Variants in WDR72 observed in about 807,000 individuals in gnomAD.
WDR72 encodes WD repeat domain 72.
In WDR72, 120 loss-of-function variants were observed where a neutral mutation model predicts 124.2. The ratio of observed to expected loss-of-function variants is 0.97; its 90% confidence interval spans 0.83 to 1.12. WDR72 has a LOEUF of 1.12. Among genes scored for constraint, WDR72 ranks in the 50% most tolerant of loss-of-function variants. The pLI is 0.00. For synonymous variants in WDR72, 452 were observed against 441.7 expected, an observed-to-expected ratio of 1.02 and a Z score of -0.29; for missense variants, 1,387 against 1,278.8, an observed-to-expected ratio of 1.08 and a Z score of -1.29.
Position 53,713,973 on chromosome 15 carries a change from T to C in WDR72, c.591+461A>G, listed in dbSNP as rs79794158. Among the ~76,000 whole-genome samples, 54 of 152,222 alleles carry C rather than the reference T, an allele frequency of 3.5e-4. 1 individual carries two copies. In the East Asian group the frequency reaches 0.01, roughly 28 times the overall value. Reference sequence around the variant, plus strand: ...TAAATAATTTTGTCATCAACACACATAGTATGGCTGTTCTTTTGTCCATCA... The same window carrying C: ...TAAATAATTTTGTCATCAACACACACAGTATGGCTGTTCTTTTGTCCATCA... On this transcript the variant is annotated intron_variant, in intron 6 of 19. Coordinates refer to ENST00000360509, the MANE Select transcript of WDR72 (RefSeq NM_182758.4).
At chr15:53,567,857 C>T (rs980208906) in intron 18 of WDR72, among the ~76,000 whole-genome samples, 12 of 151,484 alleles carry the variant, frequency 7.9e-5, no homozygotes, top group African/African-American at 2.9e-4. Flanking sequence ...ATTATTAAAC[C>T]AAATTTTTTA....
At chr15:53,671,433 A>G (rs1350037671) in intron 13 of WDR72, among the ~76,000 whole-genome samples, 2 of 152,036 alleles carry the variant, frequency 1.3e-5, no homozygotes, top group African/African-American at 4.8e-5. Context: ...GGTGTCCTTT[A>G]TTTGCTTGCT....
At chr15:53,676,276 A>G (rs1239518208) in intron 13 of WDR72, among the ~76,000 whole-genome samples, 1 of 152,178 alleles carries the variant, frequency 6.6e-6, no homozygotes. Context: ...CCCTTTGAAT[A>G]TGATAGGATG....
At chr15:53,742,538 A>C (rs1272477842) in intron 1 of WDR72, among the ~76,000 whole-genome samples, 1 of 152,178 alleles carries the variant, frequency 6.6e-6, no homozygotes, top group African/African-American at 2.4e-5. Flanking sequence ...ATTTTGTAGG[A>C]TAATTTTTAA....
At position 53,640,965 on chromosome 15, in the gene WDR72, G is replaced by C. The variant is rs145166645; in HGVS notation, c.1962+24607C>G. On this transcript the variant is annotated intron_variant, in intron 14 of 19. Coordinates refer to ENST00000360509, the MANE Select transcript of WDR72 (RefSeq NM_182758.4). ...GTTTTAAGTTGACTTGTAAGTTTTT[G>C]AGGTTTTTACAATTTTTTAAGTAGT... 1.3e-3 allele frequency among the ~76,000 whole-genome samples: 196 copies of C among 151,484 alleles called. 1 individual carries two copies. The highest frequency in any genetic ancestry group is 4.6e-3 in the African/African-American group (189 of 41,358).
intron 14 of WDR72, among the ~76,000 whole-genome samples, chr15:53,629,997 T>C (rs934715620): frequency 5.9e-5 from 9 of 152,078 alleles, no homozygotes; most frequent in African/African-American, 2.2e-4. Flanking sequence ...CCTAAATAAT[T>C]AGTGGGGAAA....
intron 13 of WDR72, among the ~76,000 whole-genome samples, chr15:53,690,306 A>T (rs1000823004): frequency 2.0e-5 from 3 of 152,192 alleles, no homozygotes; most frequent in African/African-American, 4.8e-5. Context: ...CATAATATAC[A>T]TTAACTACAC....
At chr15:53,605,880 G>A (rs1298105476) in intron 17 of WDR72, among the ~76,000 whole-genome samples, 2 of 152,138 alleles carry the variant, frequency 1.3e-5, no homozygotes, top group Non-Finnish European at 2.9e-5. Context: ...GGTTATTGAA[G>A]CAGTAGAATG....
chr15:53,707,938 G>A (rs1220072498), intron 9 of WDR72, among the ~76,000 whole-genome samples: 1 of 152,128 alleles, frequency 6.6e-6, no homozygotes, highest in Non-Finnish European at 1.5e-5. Flanking sequence ...GAGGCTGCTG[G>A]GTTACTCGAG....
chr15:53,633,715 G>C (rs1372696193), intron 14 of WDR72, among the ~76,000 whole-genome samples: 1 of 152,022 alleles, frequency 6.6e-6, no homozygotes, highest in Non-Finnish European at 1.5e-5. Flanking sequence ...ATCACTCAAG[G>C]GGATAAAATA....
At chr15:53,703,714 C>T (rs1346273009) in intron 11 of WDR72, among the ~76,000 whole-genome samples, 1 of 151,980 alleles carries the variant, frequency 6.6e-6, no homozygotes, top group African/African-American at 2.4e-5. Context: ...CACACTGCTT[C>T]TTCCTTCATC....
rs763335772 is a variant in WDR72, at chr15:53,615,981, A to T, written c.2225T>A (p.Leu742Gln). The T allele has an allele frequency of 1.2e-6, 2 of 1,613,300 alleles. No individual in the cohort carries two copies. The highest frequency in any genetic ancestry group is 2.2e-5 in the South Asian group (2 of 91,062). ...CAGGCTTTCAGTAATAGGCTTGGCTAGTGCCTCTGCTGAAAGAGGACCACA... is the reference window on the plus strand; with the variant it reads ...CAGGCTTTCAGTAATAGGCTTGGCTTGTGCCTCTGCTGAAAGAGGACCACA... ...TACGPLSAEA[L>Q]AKPITESLAQ... The change falls in exon 15 of 20, where the codon CTA becomes CAA. Residue 742 changes from leucine to glutamine, a missense_variant. Leu to Gln is a moderately radical substitution (Grantham distance 113). Transcript: ENST00000360509.
intron 18 of WDR72, among the ~76,000 whole-genome samples, chr15:53,589,343 G>A (rs1325185869): frequency 6.6e-6 from 1 of 151,794 alleles, no homozygotes; most frequent in Non-Finnish European, 1.5e-5. Context: ...CTAAAGAATA[G>A]CAATCGGCTG....
chr15:53,727,793 A>C (rs560837811), intron 2 of WDR72, among the ~76,000 whole-genome samples: 48 of 152,308 alleles, frequency 3.2e-4, no homozygotes, highest in African/African-American at 1.1e-3. Context: ...AAATCCCCAC[A>C]TATATTTGAA....
At chr15:53,598,082 G>A (rs2012861635) in intron 17 of WDR72, among the ~76,000 whole-genome samples, 1 of 152,098 alleles carries the variant, frequency 6.6e-6, no homozygotes, top group South Asian at 2.1e-4. Flanking sequence ...AACAGATGAG[G>A]CAAGGTCTAG....
chr15:53,662,739 C>T (rs2015648248), intron 14 of WDR72, among the ~76,000 whole-genome samples: 1 of 152,034 alleles, frequency 6.6e-6, no homozygotes, highest in East Asian at 1.9e-4. Flanking sequence ...ACATTTCACA[C>T]TTATCAAATT....
chr15:53,529,174 T>C (rs1892309822), intron 18 of WDR72, among the ~76,000 whole-genome samples: 1 of 130,944 alleles, frequency 7.6e-6, no homozygotes, highest in Non-Finnish European at 1.6e-5. Flanking sequence ...ATTTTTTTTT[T>C]TTTTTTTAAA....
chr15:53,515,674 A>T lies in WDR72; in HGVS notation c.*2025T>A, dbSNP rs1198990158. ...GATGCCGAAAAATCCTAACATTTCC[A>T]CTTAGTAATGTCAGGGTTGTGCCAG... On this transcript the variant is annotated 3_prime_UTR_variant, in exon 20 of 20. Transcript: ENST00000360509. 6.6e-6 allele frequency: 1 copy of T among 152,164 alleles called. No homozygotes were observed. Among genetic ancestry groups the T allele is most frequent in the African/African-American group, 2.4e-5 (1 of 41,448 alleles). The allele number at this position is 152,164 out of a possible 1,614,324, so 9.4% of individuals were successfully genotyped here.
chr15:53,692,653 A>G (rs1259634319), intron 13 of WDR72, among the ~76,000 whole-genome samples: 2 of 152,194 alleles, frequency 1.3e-5, no homozygotes, highest in Non-Finnish European at 2.9e-5. Flanking sequence ...TTTCATAGCT[A>G]AACTGCAAAG....
Sources: gnomAD v4.1 joint callset for allele counts (sites outside exome capture counted in the v4.1 genomes callset) on GRCh38, gnomAD v4.1.1 for gene constraint, MANE v1.5 for transcripts, NCBI Gene and HGNC (gene_info 2026-07-23, HGNC 2026-07-21) for gene names.